ZPLD1: variants seen among roughly 807,000 people sequenced by gnomAD.
The protein encoded by ZPLD1 is zona pellucida-like domain-containing protein 1.
ZPLD1 carries 34 observed loss-of-function variants against 47.2 expected under a neutral mutation model. That is an observed-to-expected ratio of 0.72 (90% CI 0.55 to 0.96). The LOEUF is 0.96. Ranked by LOEUF, ZPLD1 falls within the 40% of genes least tolerant of loss-of-function variation. ZPLD1 has a pLI of 0.00. For missense variants in ZPLD1, 512 were observed against 505.8 expected, an observed-to-expected ratio of 1.01 and a Z score of -0.12; for synonymous variants, 176 against 186.2, an observed-to-expected ratio of 0.95 and a Z score of 0.45.
intron 1 of ZPLD1, among the ~76,000 whole-genome samples, 167 bp downstream of exon 1, chr3:102,435,321 C>T (rs1033140907): frequency 3.3e-5 from 5 of 152,156 alleles, no homozygotes; most frequent in Non-Finnish European, 7.4e-5. Flanking sequence ...TTTTAAAATT[C>T]CTTGCCTAAT....
At chr3:102,436,184 T>C (rs1408680537) in intron 1 of ZPLD1, among the ~76,000 whole-genome samples, 1 of 152,218 alleles carries the variant, frequency 6.6e-6, no homozygotes, top group Admixed American at 6.5e-5. Flanking sequence ...TTTAAAGCTT[T>C]AAGGCTAAGA....
rs1707360025 is a variant in ZPLD1, at chr3:102,452,959, T to C, written c.147T>C (p.Ile49=). The C allele has an allele frequency of 1.2e-6, 2 of 1,614,126 alleles. No individual in the cohort carries two copies. The highest frequency in any genetic ancestry group is 1.7e-6 in the Non-Finnish European group (2 of 1,179,978). Residue 49 remains isoleucine, a synonymous_variant, in exon 4 of 12, where the codon ATT becomes ATC. Transcript: ENST00000466937. ...GTGTCTATTGTGGAGTGCAGGCTAT[T>C]ACGATGAAGATTAATTTTTGCACGG... ...DISVYCGVQA[I]TMKINFCTVL... is the part of the protein sequence containing the mutation.
chr3:102,429,982 C>T (rs920414483), intron 8 of ZPLD1, among the ~76,000 whole-genome samples: 7 of 152,114 alleles, frequency 4.6e-5, no homozygotes, highest in African/African-American at 1.7e-4. Flanking sequence ...ATTTCCTTTT[C>T]AAAATAATAT....
At chr3:102,429,745 C>T (rs1706993791) in intron 8 of ZPLD1, among the ~76,000 whole-genome samples, 1 of 152,024 alleles carries the variant, frequency 6.6e-6, no homozygotes, top group African/African-American at 2.4e-5. Context: ...ACTCAGTATC[C>T]ACCACCACCA....
chr3:102,477,356 G>A, intron 11 of ZPLD1, 87 bp from the exon 12 acceptor site: 1 of 1,335,762 alleles, frequency 7.5e-7, no homozygotes. Flanking sequence ...AGATGCTGAT[G>A]AAAGATGTTT....
At chr3:102,395,416 T>C (rs1398376034) in intron 7 of ZPLD1, among the ~76,000 whole-genome samples, 2 of 152,112 alleles carry the variant, frequency 1.3e-5, no homozygotes, top group Non-Finnish European at 2.9e-5. Context: ...AGAGGATACC[T>C]GATGAAAGAC....
intron 7 of ZPLD1, among the ~76,000 whole-genome samples, chr3:102,402,111 A>G (rs1326127128): frequency 6.6e-6 from 1 of 152,106 alleles, no homozygotes; most frequent in African/African-American, 2.4e-5. Context: ...ATGCCTCAGT[A>G]AAATGAGGCA....
intron 3 of ZPLD1, among the ~76,000 whole-genome samples, chr3:102,444,866 A>G (rs1707232991): frequency 6.6e-6 from 1 of 152,024 alleles, no homozygotes; most frequent in Admixed American, 6.5e-5. Context: ...ATGTGATGAT[A>G]TTCACAGGAA....
chr3:102,447,627 G>A (rs1000585006), intron 3 of ZPLD1, among the ~76,000 whole-genome samples: 4 of 152,084 alleles, frequency 2.6e-5, no homozygotes, highest in Admixed American at 6.6e-5. Flanking sequence ...GCTAGTGAAG[G>A]GAAATGAAGG....
chr3:102,436,465 A>G (rs1707092815), intron 1 of ZPLD1, among the ~76,000 whole-genome samples: 1 of 152,240 alleles, frequency 6.6e-6, no homozygotes, highest in African/African-American at 2.4e-5. Flanking sequence ...TACACAAAGT[A>G]AAAAGCTAAA....
rs1317549588 is a variant in ZPLD1 at position 102,477,158 on chromosome 3, C to G, written c.1072+117C>G. On this transcript the variant is annotated intron_variant, in intron 11 of 11. Transcript: ENST00000466937. ...TCCAAGTTTGGTCCATTTTAGATAA[C>G]AGTTCACTGAGGGTTTTCAAACTCA... is the stretch of plus-strand genomic sequence containing the variant. 8.7e-6 allele frequency: 10 copies of G among 1,149,574 alleles called. No individual in the cohort carries two copies. In the South Asian group the frequency reaches 1.3e-4, roughly 15 times the overall value. 71.2% of individuals were successfully genotyped at this position (1,149,574 alleles called of 1,614,324 possible). A position where few individuals can be genotyped will look rare whatever the true frequency, so the allele number is the denominator to read the frequency against.
chr3:102,449,538 T>C (rs1047823528), intron 3 of ZPLD1, among the ~76,000 whole-genome samples: 1 of 152,208 alleles, frequency 6.6e-6, no homozygotes, highest in African/African-American at 2.4e-5. Context: ...TTCAGCTCCA[T>C]CCTGCCCAGG....
chr3:102,387,277 T>C (rs2107281213), intron 6 of ZPLD1, among the ~76,000 whole-genome samples: 1 of 152,344 alleles, frequency 6.6e-6, no homozygotes, highest in East Asian at 1.9e-4. Context: ...ACACATTCCA[T>C]TTTACATGTC....
chr3:102,397,997 G>A (rs1706576469), intron 7 of ZPLD1, among the ~76,000 whole-genome samples: 1 of 152,030 alleles, frequency 6.6e-6, no homozygotes, highest in African/African-American at 2.4e-5. Flanking sequence ...AGTTAATGGA[G>A]ACAGATCACT....
chr3:102,466,709 C>T (rs1707598621), intron 8 of ZPLD1, among the ~76,000 whole-genome samples: 1 of 151,442 alleles, frequency 6.6e-6, no homozygotes, highest in African/African-American at 2.4e-5. Flanking sequence ...CAAAGGAGTG[C>T]AGATCACAGC....
intron 4 of ZPLD1, among the ~76,000 whole-genome samples, chr3:102,453,672 G>A (rs1213103480): frequency 6.6e-6 from 1 of 152,180 alleles, no homozygotes; most frequent in Non-Finnish European, 1.5e-5. Flanking sequence ...GTGTGGGATT[G>A]TCCTTTGAAT....
rs377591639 is a variant in ZPLD1, at chr3:102,470,385, A to C, written c.934-9A>C. On this transcript the variant is annotated splice_polypyrimidine_tract_variant and intron_variant, in intron 9 of 11. Transcript: ENST00000466937. ...TGTGGAATTTCATTTGTTTTCATTA[A>C]CACCTCAGATTTGCAGCCACAGAGA... is the stretch of plus-strand genomic sequence containing the variant. The C allele has an allele frequency of 3.1e-6, 5 of 1,611,970 alleles. No individual in the cohort carries two copies. The highest frequency in any genetic ancestry group is 4.2e-6 in the Non-Finnish European group (5 of 1,178,282).
Position 102,443,178 on chromosome 3 carries a change from T to C in ZPLD1, c.106+4585T>C, listed in dbSNP as rs1050850669. On this transcript the variant is annotated intron_variant, in intron 3 of 11. Transcript: ENST00000466937. Reference sequence around the variant, plus strand: ...TGGCCTTATAGCACAATAAACTTTATGGCTTGACACTGTCTTATGGTGAAC... The same window carrying C: ...TGGCCTTATAGCACAATAAACTTTACGGCTTGACACTGTCTTATGGTGAAC... Among the ~76,000 whole-genome samples, 9 of 152,188 alleles carry C rather than the reference T, an allele frequency of 5.9e-5. 1 individual carries two copies. The South Asian group carries it at 8.3e-4, about 14-fold the overall frequency.
chr3:102,436,428 T>C (rs1255749966), intron 1 of ZPLD1, among the ~76,000 whole-genome samples: 1 of 152,220 alleles, frequency 6.6e-6, no homozygotes, highest in African/African-American at 2.4e-5. Flanking sequence ...TGTTTACTCA[T>C]TATAAATGAA....
Sources: gnomAD v4.1 joint callset for allele counts (sites outside exome capture counted in the v4.1 genomes callset) on GRCh38, gnomAD v4.1.1 for gene constraint, MANE v1.5 for transcripts, NCBI Gene and HGNC (gene_info 2026-07-23, HGNC 2026-07-21) for gene names.